KCNG3: variants seen among roughly 807,000 people sequenced by gnomAD.
KCNG3 encodes voltage-gated potassium channel regulatory subunit KCNG3.
A neutral mutation model predicts 29.0 loss-of-function variants in KCNG3; 15 were observed. That is an observed-to-expected ratio of 0.52 (90% CI 0.35 to 0.80). The LOEUF is 0.80. Ranked by LOEUF, KCNG3 falls within the 30% of genes least tolerant of loss-of-function variation. KCNG3 has a pLI of 0.01. For missense variants in KCNG3, 512 were observed against 605.7 expected (o/e 0.85, Z 1.62); for synonymous variants, 322 against 248.9 (o/e 1.29, Z -2.76).
chr2:42,457,627 TCACACACACACACACACACACACA>T (rs56251665), intron 1 of KCNG3, among the ~76,000 whole-genome samples: 3 of 125,434 alleles, frequency 2.4e-5, no homozygotes, highest in African/African-American at 9.0e-5. Flanking sequence ...CAGGCAGATC[TCACACACACACACACACACACACA>T]CACACACACA....
At chr2:42,449,333 T>C (rs563377373) in intron 1 of KCNG3, among the ~76,000 whole-genome samples, 19 of 152,296 alleles carry the variant, frequency 1.2e-4, no homozygotes, top group African/African-American at 4.1e-4. Context: ...TGAATTTCAG[T>C]GGCCATAAAT....
intron 1 of KCNG3, among the ~76,000 whole-genome samples, chr2:42,487,220 T>C (rs1673747087): frequency 6.6e-6 from 1 of 151,254 alleles, no homozygotes; most frequent in South Asian, 2.1e-4. Context: ...GCTCAACAAA[T>C]AGATAGTGAA....
the KCNG3 span, among the ~76,000 whole-genome samples, chr2:42,428,938 G>A: frequency 6.6e-6 from 1 of 152,052 alleles, no homozygotes; most frequent in Non-Finnish European, 1.5e-5. Flanking sequence ...GGTCAACATG[G>A]TGAAGCCCCA....
chr2:42,465,292 C>T (rs1673114815), intron 1 of KCNG3, among the ~76,000 whole-genome samples: 1 of 151,700 alleles, frequency 6.6e-6, no homozygotes, highest in South Asian at 2.1e-4. Context: ...TCATGGCTCA[C>T]TGCAACCTCT....
rs145455278 is a variant in KCNG3, at chr2:42,476,270, G to C, written c.665+16567C>G. Among the ~76,000 whole-genome samples the C allele has an allele frequency of 9.9e-3, 1,481 of 150,138 alleles. 21 individuals carry two copies. Among genetic ancestry groups the C allele is most frequent in the African/African-American group, 0.034 (1,405 of 40,808 alleles). ...GAGGATTGCTTGAACTCAGGAGTTC[G>C]AGACCAGCCTGGGCAACATAGAGAA... On this transcript the variant is annotated intron_variant, in intron 1 of 1. Coordinates refer to ENST00000306078, the MANE Select transcript of KCNG3 (RefSeq NM_133329.6).
At position 42,492,976 on chromosome 2, in the gene KCNG3, C is replaced by A; in HGVS notation, c.526G>T (p.Val176Leu). 1.9e-6 allele frequency: 3 copies of A among 1,552,906 alleles called. No individual in the cohort carries two copies. The highest frequency in any genetic ancestry group is 2.6e-6 in the Non-Finnish European group (3 of 1,153,220). Residue 176 changes from valine (V) to leucine (L), a missense_variant, in exon 1 of 2, where the codon GTG becomes TTG. Physicochemically the swap from Val to Leu is conservative, Grantham distance 32. Transcript: ENST00000306078. Reference sequence around the variant, plus strand: ...GACACGATCACGAACACCACCGACACGCTAGCCAGGATCTGCGCGGCCAGC... The same window carrying A: ...GACACGATCACGAACACCACCGACAAGCTAGCCAGGATCTGCGCGGCCAGC... ...SSLAAQILAS[V>L]SVVFVIVSMV...
At chr2:42,396,987 G>A in the KCNG3 span, among the ~76,000 whole-genome samples, 13 of 152,236 alleles carry the variant, frequency 8.5e-5, no homozygotes, top group African/African-American at 2.4e-4. Context: ...GGCTGGGCAC[G>A]GTGGCTCACA....
intron 1 of KCNG3, among the ~76,000 whole-genome samples, chr2:42,468,320 A>G (rs1389899916): frequency 1.3e-5 from 2 of 152,214 alleles, no homozygotes; most frequent in Non-Finnish European, 2.9e-5. Context: ...GTGCTCTTTG[A>G]CATACAATGA....
In KCNG3 at chr2:42,477,124, G is replaced by A. The variant is rs375448052; in HGVS notation, c.665+15713C>T. On this transcript the variant is annotated intron_variant, in intron 1 of 1. Coordinates refer to ENST00000306078, the MANE Select transcript of KCNG3 (RefSeq NM_133329.6). Reference sequence around the variant, plus strand: ...GGAGAATGGTGTGAACCCGGGAGGCGGAGGTTGCAGGGAGCTGAGATTACG... The same window carrying A: ...GGAGAATGGTGTGAACCCGGGAGGCAGAGGTTGCAGGGAGCTGAGATTACG... 2.1e-4 allele frequency among the ~76,000 whole-genome samples: 31 copies of A among 150,246 alleles called. No homozygotes were observed. In the East Asian group the frequency reaches 3.1e-3, roughly 15 times the overall value.
At chr2:42,419,216 TCTC>T in the KCNG3 span, among the ~76,000 whole-genome samples, 1 of 132,444 alleles carries the variant, frequency 7.6e-6, no homozygotes, top group African/African-American at 2.8e-5. Flanking sequence ...TCAGATGGTA[TCTC>T]TTTTTTTTTT....
At position 42,493,221 on chromosome 2, in the gene KCNG3, AAGG is replaced by A; in HGVS notation, c.278_280del (p.Ser93del). The A allele has an allele frequency of 6.2e-7, 1 of 1,611,498 alleles. No individual in the cohort carries two copies. Among genetic ancestry groups the A allele is most frequent in the Non-Finnish European group, 8.5e-7 (1 of 1,179,842 alleles). Reference sequence around the variant, plus strand: ...GCCCCAGTAGATCATCTCGTTGTAGAAGGAGAGCTCGCACATCCGCGGCGCGAA... The same window carrying A: ...GCCCCAGTAGATCATCTCGTTGTAGAAGAGCTCGCACATCCGCGGCGCGAA... On this transcript the variant is annotated inframe_deletion, in exon 1 of 2. Transcript: ENST00000306078.
rs553763041 is a variant in KCNG3, at chr2:42,443,828, G to C, written c.*106C>G. 2 of 1,066,446 alleles carry C rather than the reference G, an allele frequency of 1.9e-6. No homozygotes were observed. Among genetic ancestry groups the C allele is most frequent in the Non-Finnish European group, 2.7e-6 (2 of 731,012 alleles). The allele number at this position is 1,066,446 out of a possible 1,614,324, so 66.1% of individuals were successfully genotyped here. On this transcript the variant is annotated 3_prime_UTR_variant, in exon 2 of 2. Transcript: ENST00000306078. ...GGAAGGATAATTTTTACCCTACCAAGATGATGACAATGCCACTGCAGTGCT... is the reference window on the plus strand; with the variant it reads ...GGAAGGATAATTTTTACCCTACCAACATGATGACAATGCCACTGCAGTGCT...
intron 1 of KCNG3, among the ~76,000 whole-genome samples, chr2:42,488,842 G>T (rs1673799418): frequency 6.6e-6 from 1 of 151,914 alleles, no homozygotes; most frequent in Non-Finnish European, 1.5e-5. Flanking sequence ...GAGCCACCAC[G>T]CCTGGCCCCA....
the KCNG3 span, among the ~76,000 whole-genome samples, chr2:42,399,050 T>C: frequency 1.1e-3 from 152 of 141,632 alleles, 1 homozygote; most frequent in Non-Finnish European, 4.2e-4. Context: ...TCTTTTTTTT[T>C]CTTTTCTTTT....
the KCNG3 span, among the ~76,000 whole-genome samples, chr2:42,401,988 C>G: frequency 2.6e-5 from 4 of 152,182 alleles, no homozygotes; most frequent in Non-Finnish European, 5.9e-5. Context: ...GCCCAGATAG[C>G]TGGTAAAACA....
At chr2:42,462,078 A>C (rs1022275348) in intron 1 of KCNG3, among the ~76,000 whole-genome samples, 1 of 152,216 alleles carries the variant, frequency 6.6e-6, no homozygotes, top group African/African-American at 2.4e-5. Flanking sequence ...TCTAAAATGT[A>C]CCCATTAAAC....
At chr2:42,425,582 TAAAC>T in the KCNG3 span, among the ~76,000 whole-genome samples, 1 of 152,038 alleles carries the variant, frequency 6.6e-6, no homozygotes. Context: ...GAACATACTA[TAAAC>T]AAACAGCAGC....
At chr2:42,466,610 CAAAGA>C (rs1367394561) in intron 1 of KCNG3, among the ~76,000 whole-genome samples, 10 of 152,122 alleles carry the variant, frequency 6.6e-5, no homozygotes, top group African/African-American at 2.2e-4. Flanking sequence ...GTTCACAGAG[CAAAGA>C]AATCTCCCAA....
chr2:42,466,499 T>A (rs1456683058), intron 1 of KCNG3, among the ~76,000 whole-genome samples: 1 of 152,180 alleles, frequency 6.6e-6, no homozygotes, highest in Non-Finnish European at 1.5e-5. Flanking sequence ...AGATTCTGCA[T>A]AAGCTTGTGG....
Sources: gnomAD v4.1 joint callset for allele counts (sites outside exome capture counted in the v4.1 genomes callset) on GRCh38, gnomAD v4.1.1 for gene constraint, MANE v1.5 for transcripts, NCBI Gene and HGNC (gene_info 2026-07-23, HGNC 2026-07-21) for gene names.